Variants in KDM1A observed in about 807,000 individuals in gnomAD.
The protein encoded by KDM1A is lysine demethylase 1A, also known as lysine-specific histone demethylase 1A.
Under a neutral mutation model 109.4 loss-of-function variants are expected in KDM1A, and 49 were observed. The observed-to-expected ratio is 0.45, with a 90% CI of 0.36 to 0.57. The LOEUF (loss-of-function observed/expected upper bound fraction) is 0.57. Ranked by LOEUF, KDM1A falls within the 20% of genes least tolerant of loss-of-function variation. The pLI is 0.00. For synonymous variants in KDM1A, 380 were observed against 415.4 expected (o/e 0.91, Z 1.04); for missense variants, 668 against 1,116.6 (o/e 0.60, Z 5.73).
At chr1:23,081,137 A>G in intron 18 of KDM1A, 1 of 266,966 alleles carries the variant, frequency 3.7e-6, no homozygotes, top group East Asian at 8.9e-5. Flanking sequence ...GCGATGCTTA[A>G]TAATTCCCTT....
At chr1:23,068,864 T>C (rs1331636032) in intron 11 of KDM1A, among the ~76,000 whole-genome samples, 183 bp downstream of exon 11, 3 of 152,250 alleles carry the variant, frequency 2.0e-5, no homozygotes, top group Non-Finnish European at 4.4e-5. Flanking sequence ...CCCCTTTCAC[T>C]TCTAAAATTC....
intron 18 of KDM1A, among the ~76,000 whole-genome samples, chr1:23,080,291 G>A (rs981197301): frequency 2.0e-5 from 3 of 152,134 alleles, no homozygotes; most frequent in African/African-American, 7.2e-5. Flanking sequence ...TCACAGAGGG[G>A]GAACTTGGCT....
intron 10 of KDM1A, 43 bp downstream of exon 10, chr1:23,066,114 A>C: frequency 7.6e-7 from 1 of 1,317,102 alleles, no homozygotes; most frequent in Non-Finnish European, 1.1e-6. Context: ...CTCACTGTTT[A>C]CAATAACCCA....
intron 2 of KDM1A, among the ~76,000 whole-genome samples, chr1:23,031,495 C>T (rs181407617): frequency 6.6e-6 from 1 of 152,242 alleles, no homozygotes; most frequent in Admixed American, 6.5e-5. Context: ...TTTCAGACCC[C>T]ATCTGCTATA....
At chr1:23,057,013 C>T (rs1642851009) in intron 7 of KDM1A, among the ~76,000 whole-genome samples, 1 of 151,980 alleles carries the variant, frequency 6.6e-6, no homozygotes. Context: ...AACCATTTGT[C>T]AGAAAAATTA....
chr1:23,071,445 C>G lies in KDM1A; in HGVS notation c.1548+86C>G, dbSNP rs116143248. The G allele has an allele frequency of 5.3e-3, 6,967 of 1,326,028 alleles. 274 individuals are homozygous for G. The African/African-American group carries it at 0.086, about 16-fold the overall frequency. The allele number at this position is 1,326,028 out of a possible 1,614,324, so 82.1% of individuals were successfully genotyped here. A position where few individuals can be genotyped will look rare whatever the true frequency, so the allele number is the denominator to read the frequency against. On this transcript the variant is annotated intron_variant, in intron 13 of 20. Transcript: ENST00000400181. Reference sequence around the variant, plus strand: ...TGGGGAATTTTGGAAAAGAGAGCCACTAGCCAATCACAAGTGCCTTCAGTG... The same window carrying G: ...TGGGGAATTTTGGAAAAGAGAGCCAGTAGCCAATCACAAGTGCCTTCAGTG...
At chr1:23,024,394 A>G (rs372756792) in intron 1 of KDM1A, among the ~76,000 whole-genome samples, 1 of 152,246 alleles carries the variant, frequency 6.6e-6, no homozygotes, top group East Asian at 1.9e-4. Context: ...TAGATAGGCC[A>G]TGCTTCAGTA....
At chr1:23,060,289 T>A (rs1308129348) in intron 9 of KDM1A, among the ~76,000 whole-genome samples, 1 of 152,182 alleles carries the variant, frequency 6.6e-6, no homozygotes, top group African/African-American at 2.4e-5. Context: ...AATAATTCTT[T>A]TTTCCCAACT....
chr1:23,021,766 T>C (rs1641638243), intron 1 of KDM1A, among the ~76,000 whole-genome samples: 2 of 152,234 alleles, frequency 1.3e-5, no homozygotes, highest in African/African-American at 4.8e-5. Context: ...TACAAGATTG[T>C]ACAGCCAACA....
At chr1:23,051,697 C>A (rs1446448356) in intron 4 of KDM1A, among the ~76,000 whole-genome samples, 1 of 152,168 alleles carries the variant, frequency 6.6e-6, no homozygotes, top group Non-Finnish European at 1.5e-5. Context: ...GCTCATGTTA[C>A]TCTAGGGTGG....
chr1:23,052,026 AT>A (rs889045477), intron 4 of KDM1A, among the ~76,000 whole-genome samples: 2 of 151,270 alleles, frequency 1.3e-5, no homozygotes, highest in African/African-American at 4.9e-5. Flanking sequence ...CTCTAAGTGG[AT>A]TTTTTTTTAG....
chr1:23,061,046 A>C (rs955957180), intron 9 of KDM1A, among the ~76,000 whole-genome samples: 1 of 152,144 alleles, frequency 6.6e-6, no homozygotes, highest in Admixed American at 6.5e-5. Context: ...TAAAGAGAGA[A>C]CTTTTTTCTA....
At chr1:23,025,234 G>A (rs1276595231) in intron 1 of KDM1A, among the ~76,000 whole-genome samples, 1 of 152,002 alleles carries the variant, frequency 6.6e-6, no homozygotes, top group Admixed American at 6.6e-5. Flanking sequence ...AGATAGAGAA[G>A]TTTTCCATTA....
chr1:23,082,796 T>A (rs1643659452), intron 20 of KDM1A: 1 of 203,054 alleles, frequency 4.9e-6, no homozygotes, highest in Non-Finnish European at 1.0e-5. Context: ...TTCCTTAGTG[T>A]CATAGCCCAG....
intron 9 of KDM1A, among the ~76,000 whole-genome samples, chr1:23,063,220 GGGTGT>G: frequency 4.3e-5 from 2 of 46,078 alleles, no homozygotes; most frequent in Admixed American, 2.1e-4. Flanking sequence ...GGTGTGGGGT[GGGTGT>G]GTGTGGGTGT....
At chr1:23,030,775 CT>C in intron 2 of KDM1A, 141 bp downstream of exon 2, 2 of 834,160 alleles carry the variant, frequency 2.4e-6, no homozygotes, top group Non-Finnish European at 3.7e-6. Flanking sequence ...CCATGTGTGT[CT>C]TTGTGTGTGT....
intron 3 of KDM1A, 131 bp from the exon 4 acceptor site, chr1:23,050,256 C>G (rs1270144893): frequency 3.3e-6 from 3 of 908,194 alleles, no homozygotes; most frequent in East Asian, 6.2e-5. Context: ...AAGGAAGTTT[C>G]AGCTTTTGAG....
intron 2 of KDM1A, among the ~76,000 whole-genome samples, chr1:23,041,011 A>G (rs1166744724): frequency 6.6e-6 from 1 of 152,246 alleles, no homozygotes; most frequent in Non-Finnish European, 1.5e-5. Context: ...GTCCTGAGCC[A>G]CTATCAGAAA....
chr1:23,021,155 A>G (rs538798044), intron 1 of KDM1A, among the ~76,000 whole-genome samples: 1 of 152,330 alleles, frequency 6.6e-6, no homozygotes, highest in East Asian at 1.9e-4. Context: ...TTATCTGCCT[A>G]CTTGAGCCAA....
Sources: gnomAD v4.1 joint callset for allele counts (sites outside exome capture counted in the v4.1 genomes callset) on GRCh38, gnomAD v4.1.1 for gene constraint, MANE v1.5 for transcripts, NCBI Gene and HGNC (gene_info 2026-07-23, HGNC 2026-07-21) for gene names.